The following HYI variants were observed in gnomAD, a reference collection of about 807,000 sequenced individuals.
The protein encoded by HYI is hydroxypyruvate isomerase (putative), also known as putative hydroxypyruvate isomerase.
Under a neutral mutation model 39.7 loss-of-function variants are expected in HYI, and 47 were observed. The observed-to-expected ratio is 1.18, with a 90% CI of 0.94 to 1.51. HYI has a LOEUF of 1.51. HYI is among the 40% of genes most tolerant of loss of function. The pLI, the probability that HYI is intolerant of heterozygous loss-of-function variation, is 0.00. For missense variants in HYI, 465 were observed against 370.3 expected (o/e 1.26, Z -2.10); for synonymous variants, 186 against 158.8 (o/e 1.17, Z -1.29).
Position 43,451,728 on chromosome 1 carries a change from G to A in HYI, c.556-11C>T. On this transcript the variant is annotated splice_polypyrimidine_tract_variant and intron_variant, in intron 5 of 7. Coordinates refer to ENST00000372430, the MANE Select transcript of HYI (RefSeq NM_001190880.3). Reference sequence around the variant, plus strand: ...CCAGTGGAATATGTCCTAGGGAAGAGGATACTACATTCCGAGACCCCGCAG... The same window carrying A: ...CCAGTGGAATATGTCCTAGGGAAGAAGATACTACATTCCGAGACCCCGCAG... 2.5e-6 allele frequency: 4 copies of A among 1,614,024 alleles called. No homozygotes were observed. Among genetic ancestry groups the A allele is most frequent in the Non-Finnish European group, 3.4e-6 (4 of 1,179,892 alleles).
At chr1:43,452,450 C>T (rs1002605123) in intron 2 of HYI, 131 bp from the exon 3 acceptor site, 3 of 744,460 alleles carry the variant, frequency 4.0e-6, no homozygotes, top group Non-Finnish European at 7.3e-6. Flanking sequence ...TCACGATGCC[C>T]AGGTATCCCA....
rs1656653911 is a variant in HYI at position 43,453,368 on chromosome 1, T to TGGGGTGGGGGG, written c.311+17_311+18insCCCCCCACCCC. On this transcript the variant is annotated intron_variant, in intron 2 of 7. Coordinates refer to ENST00000372430, the MANE Select transcript of HYI (RefSeq NM_001190880.3). ...GGGTCATGGGTCACAGGGGTGGGGGTGGGGTGGAGCGGGGTACCTGGGACA... is the reference window on the plus strand; with the variant it reads ...GGGTCATGGGTCACAGGGGTGGGGGTGGGGTGGGGGGGGGGTGGAGCGGGGTACCTGGGACA... The TGGGGTGGGGGG allele has an allele frequency of 1.1e-6, 1 of 905,986 alleles. No individual in the cohort carries two copies. The highest frequency in any genetic ancestry group is 1.4e-6 in the Non-Finnish European group (1 of 718,722). 56.1% of individuals were successfully genotyped at this position (905,986 alleles called of 1,614,324 possible).
chr1:43,452,781 G>T (rs1656581651), intron 2 of HYI: 3 of 1,039,444 alleles, frequency 2.9e-6, no homozygotes, highest in South Asian at 2.9e-5. Context: ...GGCCTCTGCA[G>T]GATTTGACAT....
Position 43,451,277 on chromosome 1 carries a change from T to C in HYI, c.795A>G (p.Ser265=), listed in dbSNP as rs376212433. 26 of 1,613,994 alleles carry C rather than the reference T, an allele frequency of 1.6e-5. No homozygotes were observed. Among genetic ancestry groups the C allele is most frequent in the Non-Finnish European group, 2.2e-5 (26 of 1,180,038 alleles). ...DTVEGLSWLR[S]YWDRRGHPEA... ...CTGGGTGGCCCCGCCTATCCCAGTA[T>C]GAACGTAGCCAACTCAAGCCCTCTA... is the stretch of plus-strand genomic sequence containing the variant. Residue 265 remains serine, a synonymous_variant, in exon 8 of 8, where the codon TCA becomes TCG. Transcript: ENST00000372430.
At position 43,451,927 on chromosome 1, in the gene HYI, G is replaced by A. The variant is rs771662201; in HGVS notation, c.505+8C>T. ...GGGACAGAAGGAGAGACAGGGCTGG[G>A]GTCGTACCCTGCTGGGGCGTGTCCA... On this transcript the variant is annotated splice_region_variant and intron_variant, in intron 4 of 7. Transcript: ENST00000372430. 1 of 1,612,820 alleles carries A rather than the reference G, an allele frequency of 6.2e-7. No individual in the cohort carries two copies. The highest frequency in any genetic ancestry group is 8.5e-7 in the Non-Finnish European group (1 of 1,178,988).
Position 43,452,005 on chromosome 1 carries a change from G to A in HYI, c.435C>T (p.Leu145=), listed in dbSNP as rs776177102. The A allele has an allele frequency of 6.2e-6, 10 of 1,607,946 alleles. No individual in the cohort carries two copies. The highest frequency in any genetic ancestry group is 2.2e-5 in the East Asian group (1 of 44,778). Residue 145 remains leucine, a synonymous_variant, in exon 4 of 8, where the codon CTC becomes CTT. Transcript: ENST00000372430. ...TGTTGATGGGCTCCAGCAGTCCCAC[G>A]AGGTCCTCCTAGCAGCATGTCGGGT... ...HAAGVLAQED[L]VGLLEPINTR... is the part of the protein sequence containing the mutation.
chr1:43,451,352 A>G (rs1656384010), intron 7 of HYI, 41 bp from the exon 8 acceptor site: 2 of 1,612,546 alleles, frequency 1.2e-6, no homozygotes, highest in African/African-American at 2.7e-5. Context: ...GCCCACAAGG[A>G]GAAAACAGCC....
downstream of HYI, chr1:43,450,775 T>C: frequency 1.4e-6 from 1 of 707,300 alleles, no homozygotes; most frequent in Non-Finnish European, 2.6e-6. The surrounding 1 kb of genome is among the most constrained non-coding windows in gnomAD (Gnocchi z 4.3). Flanking sequence ...TGGTAGAGTC[T>C]CGGGAGTTCA....
Position 43,451,721 on chromosome 1 carries a change from G to A in HYI, c.556-4C>T, listed in dbSNP as rs1394370528. The A allele has an allele frequency of 1.2e-6, 2 of 1,614,074 alleles. No individual in the cohort carries two copies. Among genetic ancestry groups the A allele is most frequent in the Middle Eastern group, 1.6e-4 (1 of 6,062 alleles). ...TGATCTGCCAGTGGAATATGTCCTA[G>A]GGAAGAGGATACTACATTCCGAGAC... On this transcript the variant is annotated splice_polypyrimidine_tract_variant and splice_region_variant and intron_variant, in intron 5 of 7. Transcript: ENST00000372430.
intron 2 of HYI, chr1:43,452,936 A>G (rs974608344): frequency 1.2e-6 from 2 of 1,608,684 alleles, no homozygotes; most frequent in Non-Finnish European, 1.7e-6. Context: ...CAAATACACC[A>G]GGCCTCCTCT....
rs1656755684 is a variant in HYI, at chr1:43,453,891, C to G, written c.-98G>C. On this transcript the variant is annotated 5_prime_UTR_variant, in exon 1 of 8. Transcript: ENST00000372430. ...GGGGGCGGGGCTCTCCTTGCTGGCCCTGCGAACGAACGAGCACTGTTCGTG... is the reference window on the plus strand; with the variant it reads ...GGGGGCGGGGCTCTCCTTGCTGGCCGTGCGAACGAACGAGCACTGTTCGTG... The G allele has an allele frequency of 1.1e-5, 14 of 1,223,210 alleles. No individual in the cohort carries two copies. Among genetic ancestry groups the G allele is most frequent in the Non-Finnish European group, 1.3e-5 (13 of 984,120 alleles). The allele number at this position is 1,223,210 out of a possible 1,614,324, so 75.8% of individuals were successfully genotyped here.
intron 3 of HYI, 70 bp downstream of exon 3, chr1:43,452,135 C>A: frequency 6.7e-7 from 1 of 1,494,898 alleles, no homozygotes; most frequent in East Asian, 2.3e-5. Flanking sequence ...CGTGCTGTCC[C>A]CACTGTGCAC....
intron 2 of HYI, 94 bp from the exon 3 acceptor site, chr1:43,452,413 C>G (rs1439977717): frequency 4.2e-6 from 4 of 963,434 alleles, no homozygotes; most frequent in Middle Eastern, 2.1e-4. Flanking sequence ...GTCCGTCTCC[C>G]CAGGTCTCCA....
intron 2 of HYI, 168 bp from the exon 3 acceptor site, chr1:43,452,487 G>A: frequency 1.4e-6 from 1 of 702,138 alleles, no homozygotes. Flanking sequence ...TTCAGTGATG[G>A]CTGAGGGGCA....
Position 43,452,273 on chromosome 1 carries a change from C to T in HYI, c.358G>A (p.Ala120Thr). The change falls in exon 3 of 8, where the codon GCA becomes ACA. Residue 120 changes from alanine to threonine, a missense_variant. Coordinates refer to ENST00000372430, the MANE Select transcript of HYI (RefSeq NM_001190880.3). ...ACGGCCTCCATCTCAGCCTTGACTG[C>T]TATTCGATCAGCTCCCTGGGGTACT... Reference protein sequence around the residue: ...GRVPQGADRIAVKAEMEAVFL... With the variant: ...GRVPQGADRITVKAEMEAVFL... 6.2e-7 allele frequency: 1 copy of T among 1,614,142 alleles called. No individual in the cohort carries two copies. The highest frequency in any genetic ancestry group is 8.5e-7 in the Non-Finnish European group (1 of 1,180,004).
chr1:43,453,524 C>T lies in HYI; in HGVS notation c.200-27G>A, dbSNP rs934006314. 5 of 1,533,066 alleles carry T rather than the reference C, an allele frequency of 3.3e-6. No homozygotes were observed. In the South Asian group the frequency reaches 4.9e-5, roughly 15 times the overall value. 95.0% of individuals were successfully genotyped at this position (1,533,066 alleles called of 1,614,324 possible). A position where few individuals can be genotyped will look rare whatever the true frequency, so the allele number is the denominator to read the frequency against. Reference sequence around the variant, plus strand: ...TGCAGAGAGAACGGGCCTCAGCCCCCGGCTCGGACACTCCCCTGCCCGCGC... The same window carrying T: ...TGCAGAGAGAACGGGCCTCAGCCCCTGGCTCGGACACTCCCCTGCCCGCGC... On this transcript the variant is annotated intron_variant, in intron 1 of 7. Transcript: ENST00000372430.
Position 43,451,429 on chromosome 1 carries a change from GC to G in HYI, c.740del (p.Gly247AlafsTer11). On this transcript the variant is annotated frameshift_variant, in exon 7 of 8. Transcript: ENST00000372430. LOFTEE classifies it high-confidence loss of function. ...CCTCACCTCGAGGCTGATACTCACA[GC>G]CCACGAAGCCTTTGTAGCCTTCATC... ...LEDEGYKGFV[G>X]CEYQPRGDTV... The G allele has an allele frequency of 6.2e-7, 1 of 1,613,410 alleles. No individual in the cohort carries two copies. The highest frequency in any genetic ancestry group is 1.1e-5 in the South Asian group (1 of 91,090).
chr1:43,451,522 G>A lies in HYI; in HGVS notation c.648C>T (p.Val216=), dbSNP rs1301450782. ...GGCTGCTGGGCTCCCCTCGGCCTGG[G>A]ACCTGTGCCACCTGCACATGCCCTG... is the stretch of plus-strand genomic sequence containing the variant. ...PIVGHVQVAQ[V]PGRGEPSSPG... Residue 216 remains valine, a synonymous_variant, in exon 7 of 8, where the codon GTC becomes GTT. Coordinates refer to ENST00000372430, the MANE Select transcript of HYI (RefSeq NM_001190880.3). The A allele has an allele frequency of 6.2e-7, 1 of 1,614,104 alleles. No homozygotes were observed. The highest frequency in any genetic ancestry group is 1.1e-5 in the South Asian group (1 of 91,082).
chr1:43,453,427 C>T lies in HYI; in HGVS notation c.270G>A (p.Leu90=), dbSNP rs765384919. 1 of 1,561,988 alleles carries T rather than the reference C, an allele frequency of 6.4e-7. No homozygotes were observed. The highest frequency in any genetic ancestry group is 8.7e-7 in the Non-Finnish European group (1 of 1,152,176). The change falls in exon 2 of 8, where the codon CTG becomes CTA. Residue 90 remains leucine, a synonymous_variant. Transcript: ENST00000372430. The stretch of plus-strand genomic sequence containing the variant: ...CTTTGGCATACCGCACGGCCTGCTC[C>T]AGTCCCTCTCGGAAGGCCGCCTGTC... The part of the protein sequence containing the change: ...PGRQAAFREG[L]EQAVRYAKAL...
Sources: allele counts gnomAD v4.1 joint callset, GRCh38; gene constraint gnomAD v4.1.1; non-coding constraint Gnocchi (gnomAD v3.1); transcripts MANE v1.5; gene names NCBI Gene and HGNC (gene_info 2026-07-23, HGNC 2026-07-21).